DOCK10: variants seen among roughly 807,000 people sequenced by gnomAD.
DOCK10 encodes dedicator of cytokinesis protein 10.
In DOCK10, 145 loss-of-function variants were observed where a neutral mutation model predicts 280.1. The ratio of observed to expected loss-of-function variants is 0.52; its 90% CI spans 0.45 to 0.59. DOCK10 has a LOEUF of 0.59. Ranked by LOEUF, DOCK10 falls within the 20% of genes least tolerant of loss-of-function variation. DOCK10 has a pLI of 0.00. For missense variants in DOCK10, 2,368 were observed against 2,651.7 expected (o/e 0.89, Z 2.35); for synonymous variants, 915 against 942.2 (o/e 0.97, Z 0.53).
intron 2 of DOCK10, among the ~76,000 whole-genome samples, chr2:224,925,019 T>C (rs35986505): frequency 0.29 from 44,520 of 151,990 alleles, 7,128 homozygotes; most frequent in Non-Finnish European, 0.35. Context: ...TATTATAACA[T>C]AGAAAGAATC....
At chr2:224,845,383 C>A (rs776370919) in intron 20 of DOCK10, 59 bp from the exon 21 acceptor site, 21 of 1,544,864 alleles carry the variant, frequency 1.4e-5, no homozygotes, top group Non-Finnish European at 1.7e-5. Context: ...TAAGAAGTCA[C>A]AATAATGCTA....
chr2:224,878,270 G>A (rs1160847043), intron 7 of DOCK10, among the ~76,000 whole-genome samples: 1 of 152,048 alleles, frequency 6.6e-6, no homozygotes, highest in African/African-American at 2.4e-5. Flanking sequence ...TGTACTTTAT[G>A]GTCATTATTT....
In DOCK10 at chr2:225,042,433, C is replaced by A. The variant is rs397052; in HGVS notation, c.-59G>T. 639 of 1,225,382 alleles carry A rather than the reference C, an allele frequency of 5.2e-4. 4 individuals carry two copies. The African/African-American group carries it at 9.1e-3, about 17-fold the overall frequency. The allele number at this position is 1,225,382 out of a possible 1,614,324, so 75.9% of individuals were successfully genotyped here. ...GCGCGCCTCCCGCCGGTCTTCCCCGCGCCAACCTTCTCTATCCACCCGCCG... is the reference window on the plus strand; with the variant it reads ...GCGCGCCTCCCGCCGGTCTTCCCCGAGCCAACCTTCTCTATCCACCCGCCG... On this transcript the variant is annotated 5_prime_UTR_variant, in exon 1 of 56. Coordinates refer to ENST00000258390, the MANE Select transcript of DOCK10 (RefSeq NM_014689.3). This position sits in a 1 kb window ranked among gnomAD's most constrained non-coding sequence, Gnocchi z 5.1.
In DOCK10 at chr2:224,805,381, T is replaced by A; in HGVS notation, c.3936+27A>T. 1 of 1,612,748 alleles carries A rather than the reference T, an allele frequency of 6.2e-7. No homozygotes were observed. Among genetic ancestry groups the A allele is most frequent in the Non-Finnish European group, 8.5e-7 (1 of 1,179,184 alleles). ...GTGAGTGACCTCTGCCTTGTAATGA[T>A]CAGTAGGTTTGAGAGGGAAGTCATA... is the stretch of plus-strand genomic sequence containing the variant. On this transcript the variant is annotated intron_variant, in intron 35 of 55. Coordinates refer to ENST00000258390, the MANE Select transcript of DOCK10 (RefSeq NM_014689.3). This position sits in a 1 kb window ranked among gnomAD's most constrained non-coding sequence, Gnocchi z 4.3.
intron 3 of DOCK10, among the ~76,000 whole-genome samples, chr2:224,905,258 T>C (rs1256906014): frequency 2.3e-5 from 3 of 132,280 alleles, no homozygotes; most frequent in African/African-American, 1.1e-4. Context: ...TTTTTTTTTT[T>C]GAGACGGAGT....
At chr2:224,896,193 A>C in intron 4 of DOCK10, 102 bp downstream of exon 4, 1 of 633,084 alleles carries the variant, frequency 1.6e-6, no homozygotes, top group Non-Finnish European at 2.6e-6. Flanking sequence ...GTGCCTTGAC[A>C]GAAGATTAAT....
Position 225,035,570 on chromosome 2 carries a change from A to ATATATAT in DOCK10, c.123+6675_123+6681dup, listed in dbSNP as rs1553634930. Among the ~76,000 whole-genome samples, 26 of 58,232 alleles carry ATATATAT rather than the reference A, an allele frequency of 4.5e-4. 3 individuals are homozygous for ATATATAT. The highest frequency in any genetic ancestry group is 5.3e-4 in the Non-Finnish European group (13 of 24,620). The allele number at this position is 58,232 out of a possible 152,430, so 38.2% of individuals were successfully genotyped here. On this transcript the variant is annotated intron_variant, in intron 1 of 55. Transcript: ENST00000258390. ...TATATATATATATATATATATATAT[A>ATATATAT]TATATATATATATATATAACACTGA...
Position 224,804,217 on chromosome 2 carries a change from C to A in DOCK10, c.4167-4G>T. The A allele has an allele frequency of 1.3e-6, 2 of 1,593,488 alleles. No individual in the cohort carries two copies. The highest frequency in any genetic ancestry group is 1.7e-6 in the Non-Finnish European group (2 of 1,164,768). The stretch of plus-strand genomic sequence containing the variant: ...TTTAAATGCAGCAGCAATTTTTCTG[C>A]AATGAAAATGGAAGTTTTAATCATA... On this transcript the variant is annotated splice_polypyrimidine_tract_variant and splice_region_variant and intron_variant, in intron 38 of 55. Coordinates refer to ENST00000258390, the MANE Select transcript of DOCK10 (RefSeq NM_014689.3).
At chr2:224,985,528 G>A (rs1205733255) in intron 1 of DOCK10, among the ~76,000 whole-genome samples, 4 of 151,822 alleles carry the variant, frequency 2.6e-5, no homozygotes, top group African/African-American at 9.7e-5. Flanking sequence ...GAAATGGAAG[G>A]AAGGATGGAG....
chr2:225,035,542 T>TATTATATA (rs1415059109), intron 1 of DOCK10, among the ~76,000 whole-genome samples: 4 of 50,030 alleles, frequency 8.0e-5, no homozygotes, highest in African/African-American at 3.0e-4. Context: ...ATGATATATA[T>TATTATATA]TATATATATA....
intron 47 of DOCK10, 88 bp downstream of exon 47, chr2:224,792,886 T>C (rs1692296910): frequency 4.0e-6 from 4 of 1,006,760 alleles, no homozygotes; most frequent in Non-Finnish European, 1.5e-6. Context: ...CTTCTAAGAA[T>C]ATATTTAAGA....
intron 19 of DOCK10, among the ~76,000 whole-genome samples, chr2:224,847,893 C>G (rs1696466818): frequency 6.6e-6 from 1 of 152,150 alleles, no homozygotes; most frequent in African/African-American, 2.4e-5. Context: ...TGCCACCTTA[C>G]CTGGTAAGTA....
intron 23 of DOCK10, chr2:224,840,339 G>GA (rs2125456913): frequency 4.1e-6 from 1 of 245,342 alleles, no homozygotes; most frequent in South Asian, 1.3e-4. Flanking sequence ...TTGAATGGAG[G>GA]AAAATATTTG....
At chr2:224,771,033 T>C (rs1690407834) in intron 53 of DOCK10, among the ~76,000 whole-genome samples, 1 of 152,110 alleles carries the variant, frequency 6.6e-6, no homozygotes, top group Non-Finnish European at 1.5e-5. Flanking sequence ...TGGGCTCAAG[T>C]AATCCTCTCG....
chr2:225,003,255 G>A (rs535092528), intron 1 of DOCK10, among the ~76,000 whole-genome samples: 114 of 152,238 alleles, frequency 7.5e-4, no homozygotes, highest in Middle Eastern at 3.4e-3. Context: ...ATGTTGCCCA[G>A]GCTGGTCTTG....
Position 224,834,275 on chromosome 2 carries a change from C to A in DOCK10, c.2851-12G>T. The stretch of plus-strand genomic sequence containing the variant: ...GTCTTGAACACGAACTGAAGAAAAT[C>A]CAAAAAGTGAATAAAGTTAAATACT... On this transcript the variant is annotated splice_polypyrimidine_tract_variant and intron_variant, in intron 25 of 55. Transcript: ENST00000258390. 6.9e-7 allele frequency: 1 copy of A among 1,448,438 alleles called. No homozygotes were observed. Among genetic ancestry groups the A allele is most frequent in the Non-Finnish European group, 9.7e-7 (1 of 1,033,944 alleles). The allele number at this position is 1,448,438 out of a possible 1,614,324, so 89.7% of individuals were successfully genotyped here.
chr2:224,969,480 T>A (rs1467600698), intron 1 of DOCK10, among the ~76,000 whole-genome samples: 1 of 152,236 alleles, frequency 6.6e-6, no homozygotes, highest in Non-Finnish European at 1.5e-5. Flanking sequence ...TGAGACTTTT[T>A]ATTCCCCACT....
At chr2:224,993,974 G>T (rs995948357) in intron 1 of DOCK10, among the ~76,000 whole-genome samples, 1 of 152,198 alleles carries the variant, frequency 6.6e-6, no homozygotes, top group Admixed American at 6.5e-5. Context: ...CTTGATAAAG[G>T]TCTTGTCCCC....
At chr2:224,976,599 C>A (rs1009923207) in intron 1 of DOCK10, among the ~76,000 whole-genome samples, 43 of 144,028 alleles carry the variant, frequency 3.0e-4, no homozygotes, top group Non-Finnish European at 7.5e-5. Context: ...CTCAGGTGAA[C>A]AACAGGTACC....
Sources: allele counts gnomAD v4.1 joint callset (sites outside exome capture counted in the v4.1 genomes callset), GRCh38; gene constraint gnomAD v4.1.1; non-coding constraint Gnocchi (gnomAD v3.1); transcripts MANE v1.5; gene names NCBI Gene and HGNC (gene_info 2026-07-23, HGNC 2026-07-21).